ANKRD30A: variants seen among roughly 807,000 people sequenced by gnomAD.
The protein encoded by ANKRD30A is ankyrin repeat domain 30A, also known as ankyrin repeat domain-containing protein 30A.
Under a neutral mutation model 166.3 loss-of-function variants are expected in ANKRD30A, and 170 were observed. The ratio of observed to expected loss-of-function variants is 1.02; its 90% CI spans 0.90 to 1.16. The LOEUF is 1.16. Among genes scored for constraint, ANKRD30A ranks in the 50% most tolerant of loss-of-function variants. The pLI is 0.00. For missense variants in ANKRD30A, 1,630 were observed against 1,518.0 expected, an observed-to-expected ratio of 1.07 and a Z score of -1.23; for synonymous variants, 564 against 508.9, an observed-to-expected ratio of 1.11 and a Z score of -1.46.
downstream of ANKRD30A, among the ~76,000 whole-genome samples, chr10:37,237,397 T>G (rs1843711858): frequency 6.6e-6 from 1 of 152,186 alleles, no homozygotes; most frequent in Non-Finnish European, 1.5e-5. Flanking sequence ...ACAGAACAGA[T>G]ACAAGTAGAG....
At chr10:37,156,038 G>A (rs1838354480) in intron 13 of ANKRD30A, among the ~76,000 whole-genome samples, 1 of 150,548 alleles carries the variant, frequency 6.6e-6, no homozygotes, top group Admixed American at 6.6e-5. Flanking sequence ...CCAAGATCTC[G>A]CCAGTGCACT....
Position 37,179,027 on chromosome 10 carries a change from T to C in ANKRD30A, c.2421+2809T>C, listed in dbSNP as rs1398961394. 2.9e-4 allele frequency among the ~76,000 whole-genome samples: 13 copies of C among 44,612 alleles called. 1 individual carries two copies. Among genetic ancestry groups the C allele is most frequent in the African/African-American group, 9.7e-4 (13 of 13,376 alleles). The allele number at this position is 44,612 out of a possible 152,430, so 29.3% of individuals were successfully genotyped here. ...ATGAGGCGTCAAATATATATATATA[T>C]ATATATATATATATATATATATATA... is the stretch of plus-strand genomic sequence containing the variant. On this transcript the variant is annotated intron_variant, in intron 24 of 35. Transcript: ENST00000361713.
chr10:37,153,957 C>G (rs1399982538), intron 13 of ANKRD30A, among the ~76,000 whole-genome samples: 1 of 152,034 alleles, frequency 6.6e-6, no homozygotes, highest in African/African-American at 2.4e-5. Context: ...CTGAGAAAGA[C>G]AGAACGTACA....
In ANKRD30A at chr10:37,201,424, A is replaced by T. The variant is rs574005782; in HGVS notation, c.2869+99A>T. 8.0e-5 allele frequency: 70 copies of T among 876,486 alleles called. No individual in the cohort carries two copies. In the African/African-American group the frequency reaches 1.1e-3, roughly 13 times the overall value. 54.3% of individuals were successfully genotyped at this position (876,486 alleles called of 1,614,324 possible). A position where few individuals can be genotyped will look rare whatever the true frequency, so the allele number is the denominator to read the frequency against. On this transcript the variant is annotated intron_variant, in intron 31 of 35. Transcript: ENST00000361713. The stretch of plus-strand genomic sequence containing the variant: ...AATAGCTGAAGAAAATTACCTCCTA[A>T]ATGCAAACCATGGAAAAAAAGAGAA...
At chr10:37,243,299 T>TA in the ANKRD30A span, among the ~76,000 whole-genome samples, 4,713 of 62,972 alleles carry the variant, frequency 0.075, 152 homozygotes, top group Middle Eastern at 0.12. Context: ...CACGCCCACC[T>TA]TTTTTTTTTT....
Position 37,196,096 on chromosome 10 carries a change from T to TATTTA in ANKRD30A, c.2615-1185_2615-1184insATTTA, listed in dbSNP as rs1454116192. 3.2e-3 allele frequency among the ~76,000 whole-genome samples: 467 copies of TATTTA among 143,830 alleles called. 6 individuals carry two copies. The highest frequency in any genetic ancestry group is 0.011 in the Middle Eastern group (3 of 276). 94.4% of individuals were successfully genotyped at this position (143,830 alleles called of 152,430 possible). A position where few individuals can be genotyped will look rare whatever the true frequency, so the allele number is the denominator to read the frequency against. On this transcript the variant is annotated intron_variant, in intron 27 of 35. Transcript: ENST00000361713. Reference sequence around the variant, plus strand: ...TAGAGGTTTTTTTATATTTTCTATTTTTTTTTTTTTTTTTTTGTAGTAGAA... The same window carrying TATTTA: ...TAGAGGTTTTTTTATATTTTCTATTTATTTATTTTTTTTTTTTTTTTGTAGTAGAA...
At chr10:37,144,607 GTCAA>G (rs1188804259) in intron 7 of ANKRD30A, among the ~76,000 whole-genome samples, 1 of 152,056 alleles carries the variant, frequency 6.6e-6, no homozygotes, top group African/African-American at 2.4e-5. Flanking sequence ...ATAAAGATTA[GTCAA>G]TCAAACTACA....
chr10:37,247,447 G>A, the ANKRD30A span, among the ~76,000 whole-genome samples: 2 of 151,980 alleles, frequency 1.3e-5, no homozygotes, highest in African/African-American at 4.8e-5. Context: ...TTTTTTGGAG[G>A]GTGTTCTGGG....
intron 21 of ANKRD30A, among the ~76,000 whole-genome samples, chr10:37,172,543 C>CTTTT (rs148180513): frequency 9.6e-5 from 8 of 83,042 alleles, no homozygotes; most frequent in African/African-American, 9.1e-5. Context: ...TTTTTAATTT[C>CTTTT]TTTTTTTTTT....
chr10:37,142,520 A>C (rs1182872602), intron 7 of ANKRD30A, among the ~76,000 whole-genome samples: 1 of 151,574 alleles, frequency 6.6e-6, no homozygotes, highest in Non-Finnish European at 1.5e-5. Flanking sequence ...AATGGCTAAA[A>C]CCATAGGAAC....
At chr10:37,241,453 A>T in the ANKRD30A span, among the ~76,000 whole-genome samples, 5 of 151,904 alleles carry the variant, frequency 3.3e-5, no homozygotes, top group African/African-American at 9.7e-5. Flanking sequence ...GGCATTTTAA[A>T]CCATGTTTCT....
chr10:37,140,716 TATA>T (rs1408296417), intron 6 of ANKRD30A, among the ~76,000 whole-genome samples: 9 of 152,296 alleles, frequency 5.9e-5, no homozygotes, highest in African/African-American at 2.2e-4. Context: ...CTCAACAAAT[TATA>T]ATGAAGTTAG....
chr10:37,149,657 C>T lies in ANKRD30A; in HGVS notation c.1550C>T (p.Pro517Leu), dbSNP rs768520588. Residue 517 changes from proline (P) to leucine (L), a missense_variant, in exon 10 of 36, where the codon CCT becomes CTT. Pro to Leu is a moderately conservative substitution (Grantham distance 98). Coordinates refer to ENST00000361713, the MANE Select transcript of ANKRD30A (RefSeq NM_052997.3). ...AATCTCTTTTGCTTTTTAGAGCCTCCTAAGAAGCCATCTGCCTTCAAGGTA... is the reference window on the plus strand; with the variant it reads ...AATCTCTTTTGCTTTTTAGAGCCTCTTAAGAAGCCATCTGCCTTCAAGGTA... ...MEINREVEEP[P>L]KKPSAFKPAI... The T allele has an allele frequency of 6.2e-7, 1 of 1,612,198 alleles. No homozygotes were observed. The highest frequency in any genetic ancestry group is 1.3e-5 in the African/African-American group (1 of 74,834).
chr10:37,135,782 T>A (rs778171711), intron 5 of ANKRD30A, among the ~76,000 whole-genome samples: 6 of 152,168 alleles, frequency 3.9e-5, no homozygotes, highest in Non-Finnish European at 7.3e-5. Flanking sequence ...AATCAGGTTA[T>A]CCAATTTGAT....
At chr10:37,161,879 G>T (rs915177569) in intron 15 of ANKRD30A, among the ~76,000 whole-genome samples, 1 of 152,166 alleles carries the variant, frequency 6.6e-6, no homozygotes, top group African/African-American at 2.4e-5. Context: ...TAGGAACTGA[G>T]AAAATACTGA....
At chr10:37,224,650 T>G (rs1463617327) in intron 34 of ANKRD30A, among the ~76,000 whole-genome samples, 2 of 151,548 alleles carry the variant, frequency 1.3e-5, no homozygotes, top group Non-Finnish European at 3.0e-5. Context: ...GCTGAGAACT[T>G]TAATTTGTTC....
chr10:37,248,297 C>T, the ANKRD30A span: 1 of 474,086 alleles, frequency 2.1e-6, no homozygotes, highest in Non-Finnish European at 4.1e-6. Flanking sequence ...TTCCACTGTT[C>T]AGTTCTGGTC....
At chr10:37,243,357 G>T in the ANKRD30A span, among the ~76,000 whole-genome samples, 1 of 151,058 alleles carries the variant, frequency 6.6e-6, no homozygotes, top group Admixed American at 6.6e-5. Context: ...TGTTAGCCAG[G>T]ATGGTCTGGA....
intron 27 of ANKRD30A, 91 bp from the exon 28 acceptor site, chr10:37,197,190 G>A: frequency 6.6e-7 from 1 of 1,518,370 alleles, no homozygotes. Flanking sequence ...ATTGGAGCAA[G>A]AGGAGTCAGT....
Sources: allele counts gnomAD v4.1 joint callset (sites outside exome capture counted in the v4.1 genomes callset), GRCh38; gene constraint gnomAD v4.1.1; transcripts MANE v1.5; gene names NCBI Gene and HGNC (gene_info 2026-07-23, HGNC 2026-07-21).